NEB: variants seen among roughly 807,000 people sequenced by gnomAD.
NEB encodes the protein nemaline myopathy type 2.
A neutral mutation model predicts 952.2 loss-of-function variants in NEB; 512 were observed. The observed-to-expected ratio is 0.54, with a 90% CI of 0.50 to 0.58. The LOEUF is 0.58. NEB is among the 20% of genes least tolerant of loss of function. The pLI is 0.00. For missense variants in NEB, 8,428 were observed against 9,231.1 expected (o/e 0.91, Z 3.56); for synonymous variants, 2,900 against 3,149.8 (o/e 0.92, Z 2.66).
At chr2:151,657,760 C>T (rs1347137765) in intron 48 of NEB, among the ~76,000 whole-genome samples, 1 of 152,162 alleles carries the variant, frequency 6.6e-6, no homozygotes, top group East Asian at 1.9e-4. Context: ...TTATCTAGAT[C>T]TCATGAGTCA....
intron 143 of NEB, chr2:151,532,250 C>G (rs1354810942): frequency 5.3e-6 from 1 of 187,278 alleles, no homozygotes; most frequent in Non-Finnish European, 1.1e-5. Context: ...TACACATGTA[C>G]TCGGAGGCCC....
Position 151,697,473 on chromosome 2 carries a change from T to G in NEB, c.1258-16A>C. ...TATATTTTTTCTGCAAGACAAAACA[T>G]ACTTCATTTATTAATTGGTGAAATA... On this transcript the variant is annotated splice_polypyrimidine_tract_variant and intron_variant, in intron 14 of 181. Coordinates refer to ENST00000397345, the MANE Select transcript of NEB (RefSeq NM_001164508.2). 1 of 1,608,430 alleles carries G rather than the reference T, an allele frequency of 6.2e-7. No homozygotes were observed. The highest frequency in any genetic ancestry group is 8.5e-7 in the Non-Finnish European group (1 of 1,176,134).
chr2:151,661,111 C>G (rs2099143037), intron 46 of NEB, among the ~76,000 whole-genome samples: 1 of 152,110 alleles, frequency 6.6e-6, no homozygotes. Flanking sequence ...GTTCTTTTCT[C>G]AACTCTGCAA....
chr2:151,555,204 T>G (rs2095572830), intron 124 of NEB, among the ~76,000 whole-genome samples, 160 bp from the exon 125 acceptor site: 1 of 152,202 alleles, frequency 6.6e-6, no homozygotes, highest in South Asian at 2.1e-4. Flanking sequence ...TACAGAGAGA[T>G]ACAGCAGTAG....
rs367646560 is a variant in NEB, at chr2:151,553,882, G to T, written c.19572C>A (p.His6524Gln). 3 of 1,613,866 alleles carry T rather than the reference G, an allele frequency of 1.9e-6. No individual in the cohort carries two copies. Among genetic ancestry groups the T allele is most frequent in the Non-Finnish European group, 2.5e-6 (3 of 1,179,776 alleles). Reference sequence around the variant, plus strand: ...CGTGATCATTGACTTGCAAGTCGGGGTGGCAAATCCATTCGTGGAGGCGCA... The same window carrying T: ...CGTGATCATTGACTTGCAAGTCGGGTTGGCAAATCCATTCGTGGAGGCGCA... The part of the protein sequence containing the change: ...YRLRLHEWIC[H>Q]PDLQVNDHVR... Residue 6524 changes from histidine (H) to glutamine (Q), a missense_variant, in exon 126 of 182, where the codon CAC (histidine) becomes CAA (glutamine). Transcript: ENST00000397345.
rs775749290 is a variant in NEB, at chr2:151,655,776, C to G, written c.6702+41G>C. 4 of 1,593,436 alleles carry G rather than the reference C, an allele frequency of 2.5e-6. No homozygotes were observed. In the African/African-American group the frequency reaches 5.4e-5, roughly 21 times the overall value. ...CAAGAACCAGAGCCTGCTAGCCTTT[C>G]CTCACGTGGGAGCTGTGTGGACGGC... On this transcript the variant is annotated intron_variant, in intron 50 of 181. Coordinates refer to ENST00000397345, the MANE Select transcript of NEB (RefSeq NM_001164508.2).
At chr2:151,499,591 T>G (rs2062880718) in intron 168 of NEB, 2 of 406,314 alleles carry the variant, frequency 4.9e-6, no homozygotes, top group African/African-American at 4.2e-5. Flanking sequence ...TATTTGATAT[T>G]CATCATCTTT....
intron 71 of NEB, among the ~76,000 whole-genome samples, chr2:151,622,594 T>A (rs1250335973): frequency 6.6e-6 from 1 of 152,094 alleles, no homozygotes; most frequent in African/African-American, 2.4e-5. Context: ...TCATTTTACT[T>A]ATTATTATTA....
intron 142 of NEB, chr2:151,534,156 C>T: frequency 8.1e-7 from 1 of 1,235,146 alleles, no homozygotes; most frequent in Non-Finnish European, 1.2e-6. Context: ...GGGATGACAT[C>T]TCATGAGAAA....
intron 153 of NEB, among the ~76,000 whole-genome samples, chr2:151,523,950 T>C (rs185257490): frequency 6.6e-6 from 1 of 152,202 alleles, no homozygotes; most frequent in Non-Finnish European, 1.5e-5. Context: ...TTGCTCTTCA[T>C]GTTAAATCTA....
chr2:151,527,426 T>G (rs563649839), intron 147 of NEB, 55 bp downstream of exon 147: 243 of 1,226,892 alleles, frequency 2.0e-4, no homozygotes, highest in Non-Finnish European at 1.4e-5. Flanking sequence ...AATTATTCAT[T>G]GTATTTCTCA....
chr2:151,636,224 C>T lies in NEB; in HGVS notation c.9102+3G>A. On this transcript the variant is annotated splice_donor_region_variant and intron_variant, in intron 64 of 181. Transcript: ENST00000397345. The stretch of plus-strand genomic sequence containing the variant: ...CATACTCAGAATGGAATTGACAACT[C>T]ACGTCACTGATGATGTCCCTGGAGG... 6.2e-7 allele frequency: 1 copy of T among 1,604,878 alleles called. No individual in the cohort carries two copies.
intron 44 of NEB, 55 bp from the exon 45 acceptor site, chr2:151,663,914 C>G: frequency 6.6e-7 from 1 of 1,523,732 alleles, no homozygotes; most frequent in Non-Finnish European, 9.0e-7. Flanking sequence ...AACAAAGTAC[C>G]ATTTGCTAGG....
chr2:151,546,100 G>C, intron 134 of NEB, 102 bp from the exon 135 acceptor site: 1 of 834,080 alleles, frequency 1.2e-6, no homozygotes, highest in Non-Finnish European at 1.9e-6. Flanking sequence ...GCTGAGCAGG[G>C]CTTTCATGTG....
chr2:151,520,851 A>G (rs1269340069), intron 153 of NEB, among the ~76,000 whole-genome samples: 1 of 150,876 alleles, frequency 6.6e-6, no homozygotes, highest in African/African-American at 2.5e-5. Flanking sequence ...GCAACAGAGC[A>G]AGACCCTGTC....
intron 159 of NEB, 88 bp from the exon 160 acceptor site, chr2:151,513,781 A>G (rs534356975): frequency 9.4e-5 from 83 of 880,486 alleles, no homozygotes; most frequent in South Asian, 2.2e-4. Context: ...TCCACATAAC[A>G]CGCCACCCCA....
At position 151,525,143 on chromosome 2, in the gene NEB, T is replaced by G; in HGVS notation, c.22272+20A>C. On this transcript the variant is annotated intron_variant, in intron 151 of 181. Transcript: ENST00000397345. ...ACTGCTTCAAATGGGCCCCCAAGAG[T>G]GTTGAGAGGGAAAACTTACATCACT... 1 of 1,553,418 alleles carries G rather than the reference T, an allele frequency of 6.4e-7. No homozygotes were observed. The highest frequency in any genetic ancestry group is 8.9e-7 in the Non-Finnish European group (1 of 1,125,146).
Position 151,529,272 on chromosome 2 carries a change from T to A in NEB, c.21673A>T (p.Thr7225Ser), listed in dbSNP as rs187977960. 277 of 1,613,642 alleles carry A rather than the reference T, an allele frequency of 1.7e-4. No individual in the cohort carries two copies. In the African/African-American group the frequency reaches 3.4e-3, roughly 20 times the overall value. Residue 7225 changes from threonine (T) to serine (S), a missense_variant, in exon 146 of 182, where the codon ACC becomes TCC. Thr to Ser is a moderately conservative substitution (Grantham distance 58, BLOSUM62 1). Around this residue, in one of 11 missense-constraint regions of NEB, gnomAD observed 3,374 missense variants for 3,651.5 expected, o/e 0.92. Coordinates refer to ENST00000397345, the MANE Select transcript of NEB (RefSeq NM_001164508.2). ...ATATGAACAGCATCTGGCTCAATGG[T>A]GCAGTTGGATTTATTTCTTTGGTAT... ...EVYQRNKSNC[T>S]IEPDAVHIKA...
Position 151,518,430 on chromosome 2 carries a change from G to T in NEB, c.22696-8C>A. 1 of 1,556,446 alleles carries T rather than the reference G, an allele frequency of 6.4e-7. No homozygotes were observed. The highest frequency in any genetic ancestry group is 8.8e-7 in the Non-Finnish European group (1 of 1,133,054). On this transcript the variant is annotated splice_region_variant and splice_polypyrimidine_tract_variant and intron_variant, in intron 155 of 181. Coordinates refer to ENST00000397345, the MANE Select transcript of NEB (RefSeq NM_001164508.2). ...CTTCTTCTTGTACTGGTACTGAGGG[G>T]AAGGCGGCAAAAAAGGCACATTGAT...
Sources: gnomAD v4.1 joint callset for allele counts (sites outside exome capture counted in the v4.1 genomes callset) on GRCh38, gnomAD v4.1.1 for gene constraint, gnomAD v4.1.1 regional missense constraint, MANE v1.5 for transcripts, NCBI Gene and HGNC (gene_info 2026-07-23, HGNC 2026-07-21) for gene names.